FBN2: variants seen among roughly 807,000 people sequenced by gnomAD.
FBN2 encodes fibrillin-2.
A neutral mutation model predicts 355.6 loss-of-function variants in FBN2; 105 were observed. The observed-to-expected ratio is 0.30, with a 90% CI of 0.25 to 0.35. The LOEUF (loss-of-function observed/expected upper bound fraction) is 0.35. Ranked by LOEUF, FBN2 falls within the 10% of genes least tolerant of loss-of-function variation. FBN2 has a pLI of 1.00. For synonymous variants in FBN2, 1,350 were observed against 1,301.2 expected, an observed-to-expected ratio of 1.04 and a Z score of -0.81; for missense variants, 3,280 against 3,758.7, an observed-to-expected ratio of 0.87 and a Z score of 3.33.
Position 128,274,631 on chromosome 5 carries a change from G to A in FBN2, c.7647C>T (p.Asn2549=). 1 of 1,613,514 alleles carries A rather than the reference G, an allele frequency of 6.2e-7. No homozygotes were observed. The change falls in exon 60 of 65, where the codon AAC becomes AAT. Residue 2549 remains asparagine (N), a synonymous_variant. Transcript: ENST00000262464. ...ATTTACAGGTAAACCCCCCCAGGGT[G>A]TTGACACAGAGGAACTGGCAGTTAT... ...KQHNCQFLCV[N]TLGGFTCKCP... is the part of the protein sequence containing the mutation.
rs1475553135 is a variant in FBN2 at position 128,366,368 on chromosome 5, T to C, written c.2302+9A>G. On this transcript the variant is annotated intron_variant, in intron 17 of 64. Transcript: ENST00000262464. ...TGATTATTATAAAGTTGAGATTAAC[T>C]AGAGTTACCTCTTCCATCCACAGTG... is the stretch of plus-strand genomic sequence containing the variant. 2 of 1,539,944 alleles carry C rather than the reference T, an allele frequency of 1.3e-6. No individual in the cohort carries two copies. Among genetic ancestry groups the C allele is most frequent in the Non-Finnish European group, 1.8e-6 (2 of 1,115,128 alleles).
intron 7 of FBN2, among the ~76,000 whole-genome samples, chr5:128,439,858 C>A (rs1257356022): frequency 6.6e-6 from 1 of 151,984 alleles, no homozygotes; most frequent in African/African-American, 2.4e-5. Flanking sequence ...GTATCACTTT[C>A]TTTTGTATAC....
At chr5:128,299,416 G>T (rs1749644172) in intron 48 of FBN2, among the ~76,000 whole-genome samples, 1 of 82,532 alleles carries the variant, frequency 1.2e-5, no homozygotes. Flanking sequence ...GCAATGGTGG[G>T]CGCCCCTCCC....
chr5:128,415,148 C>T (rs1447441451), intron 7 of FBN2, among the ~76,000 whole-genome samples: 1 of 152,122 alleles, frequency 6.6e-6, no homozygotes, highest in South Asian at 2.1e-4. Flanking sequence ...GTGTAATGAT[C>T]AAGTCAGGGC....
intron 61 of FBN2, among the ~76,000 whole-genome samples, chr5:128,273,424 G>T (rs1162186615): frequency 2.0e-5 from 3 of 152,210 alleles, no homozygotes; most frequent in African/African-American, 7.2e-5. Flanking sequence ...AGCGTGTTCA[G>T]TACATTTGTT....
intron 2 of FBN2, among the ~76,000 whole-genome samples, chr5:128,533,109 A>C (rs1756749247): frequency 1.3e-5 from 2 of 152,214 alleles, no homozygotes; most frequent in Non-Finnish European, 2.9e-5. Flanking sequence ...TTTAGGCAAG[A>C]ATATGTTTCC....
chr5:128,515,161 C>T (rs929004799), intron 5 of FBN2, among the ~76,000 whole-genome samples: 1 of 152,176 alleles, frequency 6.6e-6, no homozygotes, highest in African/African-American at 2.4e-5. Flanking sequence ...TCCATCTTTA[C>T]ACCTGCTCTT....
At chr5:128,390,905 G>A (rs530538018) in intron 11 of FBN2, among the ~76,000 whole-genome samples, 3 of 152,294 alleles carry the variant, frequency 2.0e-5, no homozygotes, top group African/African-American at 4.8e-5. Context: ...CTGTATGCTT[G>A]ATTGTTTCTC....
chr5:128,452,437 G>A (rs188540366), intron 6 of FBN2, among the ~76,000 whole-genome samples: 60 of 152,184 alleles, frequency 3.9e-4, no homozygotes, highest in Admixed American at 7.2e-4. Context: ...AATAATTCTA[G>A]TTTATAACCT....
chr5:128,492,488 A>G (rs563518259), intron 5 of FBN2, among the ~76,000 whole-genome samples: 1 of 152,328 alleles, frequency 6.6e-6, no homozygotes, highest in African/African-American at 2.4e-5. Context: ...TTTAATAAAC[A>G]GGGTCAAACT....
At chr5:128,446,685 A>G (rs911216786) in intron 6 of FBN2, 79 bp from the exon 7 acceptor site, 8 of 1,471,848 alleles carry the variant, frequency 5.4e-6, no homozygotes, top group Non-Finnish European at 7.5e-6. Context: ...TAAAAACTTT[A>G]TATAAACATT....
At chr5:128,368,788 AG>A (rs1317474072) in intron 16 of FBN2, among the ~76,000 whole-genome samples, 4 of 151,624 alleles carry the variant, frequency 2.6e-5, no homozygotes, top group Admixed American at 6.6e-5. Context: ...CTTGCACCTC[AG>A]CCCCCCTAGT....
intron 28 of FBN2, 80 bp from the exon 29 acceptor site, chr5:128,335,657 A>G: frequency 6.5e-7 from 1 of 1,543,094 alleles, no homozygotes; most frequent in Admixed American, 1.7e-5. Flanking sequence ...AGATAATGCT[A>G]ATGTGGCTTT....
At chr5:128,407,525 G>A (rs1242955628) in intron 8 of FBN2, among the ~76,000 whole-genome samples, 1 of 152,180 alleles carries the variant, frequency 6.6e-6, no homozygotes. Context: ...CACACGGTAT[G>A]TGTAATATCT....
rs879402989 is a variant in FBN2 at position 128,306,622 on chromosome 5, C to CA, written c.5422+512dup. Among the ~76,000 whole-genome samples the CA allele has an allele frequency of 5.0e-3, 715 of 143,678 alleles. 7 individuals carry two copies. Among genetic ancestry groups the CA allele is most frequent in the African/African-American group, 0.017 (671 of 39,114 alleles). The allele number at this position is 143,678 out of a possible 152,430, so 94.3% of individuals were successfully genotyped here. On this transcript the variant is annotated intron_variant, in intron 42 of 64. Coordinates refer to ENST00000262464, the MANE Select transcript of FBN2 (RefSeq NM_001999.4). ...GGGCAACAAGAGCAAAACTCCATCT[C>CA]AAAAAAAAAAATTATATTGCTTATC...
intron 11 of FBN2, among the ~76,000 whole-genome samples, chr5:128,382,821 C>T (rs1752268373): frequency 6.6e-6 from 1 of 152,046 alleles, no homozygotes; most frequent in Non-Finnish European, 1.5e-5. Flanking sequence ...TCACTATTGT[C>T]ATAATTTCTT....
intron 41 of FBN2, among the ~76,000 whole-genome samples, chr5:128,307,434 C>G (rs1040547144): frequency 4.6e-5 from 7 of 151,876 alleles, no homozygotes; most frequent in African/African-American, 1.7e-4. Flanking sequence ...TTTTACTGCT[C>G]TGATATCAGA....
intron 46 of FBN2, among the ~76,000 whole-genome samples, chr5:128,302,085 GC>G (rs147378825): frequency 0.23 from 35,348 of 152,124 alleles, 5,053 homozygotes; most frequent in Middle Eastern, 0.43. Context: ...CAAGAAGGCA[GC>G]AGTTGAATAA....
intron 7 of FBN2, among the ~76,000 whole-genome samples, chr5:128,443,329 A>C (rs1753971829): frequency 6.6e-6 from 1 of 152,176 alleles, no homozygotes; most frequent in African/African-American, 2.4e-5. Context: ...TTCAGTTTTA[A>C]CTCTGGACCC....
Sources: gnomAD v4.1 joint callset for allele counts (sites outside exome capture counted in the v4.1 genomes callset) on GRCh38, gnomAD v4.1.1 for gene constraint, MANE v1.5 for transcripts, NCBI Gene and HGNC (gene_info 2026-07-23, HGNC 2026-07-21) for gene names.